Variants in AXIN1 observed in about 807,000 individuals in gnomAD.
AXIN1 encodes axin-1.
Under a neutral mutation model 76.4 loss-of-function variants are expected in AXIN1, and 30 were observed. The ratio of observed to expected loss-of-function variants is 0.39; its 90% CI spans 0.29 to 0.53. The LOEUF (loss-of-function observed/expected upper bound fraction) is 0.53, where lower values mean the gene tolerates loss of function less well. Ranked by LOEUF, AXIN1 falls within the 20% of genes least tolerant of loss-of-function variation. The pLI is 0.66. For synonymous variants in AXIN1, 545 were observed against 501.4 expected (o/e 1.09, Z -1.16); for missense variants, 1,140 against 1,198.8 (o/e 0.95, Z 0.72).
chr16:314,528 C>T lies in AXIN1; in HGVS notation c.1019+15G>A, dbSNP rs557677007. ...TGCTGTCCGTGAGGGACTGGGTATC[C>T]GGGGCGGGACTTACACGCTGCTGTC... On this transcript the variant is annotated intron_variant, in intron 3 of 10. Transcript: ENST00000262320. 1.5e-5 allele frequency: 25 copies of T among 1,613,050 alleles called. No homozygotes were observed. The East Asian group carries it at 2.9e-4, about 19-fold the overall frequency.
chr16:336,761 G>A (rs1310634158), intron 2 of AXIN1, among the ~76,000 whole-genome samples: 1 of 148,362 alleles, frequency 6.7e-6, no homozygotes, highest in Non-Finnish European at 1.5e-5. Flanking sequence ...AGGTTGCAGT[G>A]AGCTGAGGTT....
chr16:319,542 G>A (rs901362527), intron 2 of AXIN1, among the ~76,000 whole-genome samples: 3 of 152,124 alleles, frequency 2.0e-5, no homozygotes, highest in African/African-American at 7.2e-5. Context: ...GCCATGAGGC[G>A]GCCAGTGCAC....
At position 311,242 on chromosome 16, in the gene AXIN1, C is replaced by T. The variant is rs538727229; in HGVS notation, c.1020-1173G>A. Among the ~76,000 whole-genome samples, 343 of 151,138 alleles carry T rather than the reference C, an allele frequency of 2.3e-3. 4 individuals are homozygous for T. Among genetic ancestry groups the T allele is most frequent in the African/African-American group, 7.1e-3 (294 of 41,262 alleles). On this transcript the variant is annotated intron_variant, in intron 3 of 10. Coordinates refer to ENST00000262320, the MANE Select transcript of AXIN1 (RefSeq NM_003502.4). ...AGACGGGGTTTCACTGTGTTAACCA[C>T]GATGGTCTCAATCTCCTGACCCCGT... is the stretch of plus-strand genomic sequence containing the variant.
intron 1 of AXIN1, among the ~76,000 whole-genome samples, chr16:348,555 C>T (rs1239899535): frequency 2.0e-5 from 3 of 152,222 alleles, no homozygotes; most frequent in Non-Finnish European, 4.4e-5. Flanking sequence ...GTCCCAGCTA[C>T]TCAGGAGGCT....
intron 2 of AXIN1, among the ~76,000 whole-genome samples, chr16:344,999 C>T (rs1396298197): frequency 6.6e-6 from 1 of 152,166 alleles, no homozygotes; most frequent in Non-Finnish European, 1.5e-5. Context: ...GAATTCCAGG[C>T]TTTCAAAGTT....
At position 318,929 on chromosome 16, in the gene AXIN1, C is replaced by T. The variant is rs185527080; in HGVS notation, c.879-4246G>A. On this transcript the variant is annotated intron_variant, in intron 2 of 10. Coordinates refer to ENST00000262320, the MANE Select transcript of AXIN1 (RefSeq NM_003502.4). ...GCCTTGGTGAGAGTGGCTCTGACCC[C>T]TGGCTGTGTGTGGAGAGAATGCGGC... Among the ~76,000 whole-genome samples, 12 of 152,026 alleles carry T rather than the reference C, an allele frequency of 7.9e-5. No individual in the cohort carries two copies. In the East Asian group the frequency reaches 2.3e-3, roughly 29 times the overall value.
intron 2 of AXIN1, among the ~76,000 whole-genome samples, chr16:316,861 A>G (rs781292474): frequency 1.3e-5 from 2 of 152,192 alleles, no homozygotes; most frequent in African/African-American, 2.4e-5. Flanking sequence ...GTTCAGTACT[A>G]TCGCATTTCA....
chr16:294,628 G>A (rs764760601), intron 7 of AXIN1, among the ~76,000 whole-genome samples: 1 of 151,170 alleles, frequency 6.6e-6, no homozygotes, highest in Non-Finnish European at 1.5e-5. Flanking sequence ...AATAGTGGGT[G>A]CCTGTAATCC....
chr16:343,468 G>C (rs1215855949), intron 2 of AXIN1, among the ~76,000 whole-genome samples: 6 of 152,140 alleles, frequency 3.9e-5, no homozygotes, highest in Non-Finnish European at 8.8e-5. Context: ...TTGGGAGGCT[G>C]AGGCGGGCAG....
At chr16:336,719 A>C (rs573731800) in intron 2 of AXIN1, among the ~76,000 whole-genome samples, 1 of 149,636 alleles carries the variant, frequency 6.7e-6, no homozygotes, top group East Asian at 2.0e-4. Context: ...CAGGAAGCTG[A>C]GGCAGGAGAA....
rs1432357587 is a variant in AXIN1 at position 352,419 on chromosome 16, CGCGGT to C, written c.-137_-133del. 7 of 829,704 alleles carry C rather than the reference CGCGGT, an allele frequency of 8.4e-6. No individual in the cohort carries two copies. Among genetic ancestry groups the C allele is most frequent in the Non-Finnish European group, 9.2e-6 (7 of 758,530 alleles). 51.4% of individuals were successfully genotyped at this position (829,704 alleles called of 1,614,324 possible). Reference sequence around the variant, plus strand: ...GGGCCCGGCTCCCGGAGCGGCGCGGCGCGGTCCGGGCCCATGCGCTCAGCGGCAGC... The same window carrying C: ...GGGCCCGGCTCCCGGAGCGGCGCGGCCCGGGCCCATGCGCTCAGCGGCAGC... On this transcript the variant is annotated 5_prime_UTR_variant, in exon 1 of 11. It introduces an in-frame stop codon into an upstream open reading frame of the 5' UTR. Transcript: ENST00000262320.
At chr16:288,703 C>A (rs531081311) in intron 10 of AXIN1, among the ~76,000 whole-genome samples, 1 of 152,260 alleles carries the variant, frequency 6.6e-6, no homozygotes, top group Non-Finnish European at 1.5e-5. Context: ...GTCAGGCCCC[C>A]TCTGCTCACC....
chr16:287,776 C>G lies in AXIN1; in HGVS notation c.*346G>C, dbSNP rs942691373. ...CCAGACCTGGGTACGTGGGCAAATC[C>G]CAGAGGGAAAGTAGATCCCAGCACA... is the stretch of plus-strand genomic sequence containing the variant. On this transcript the variant is annotated 3_prime_UTR_variant, in exon 11 of 11. Coordinates refer to ENST00000262320, the MANE Select transcript of AXIN1 (RefSeq NM_003502.4). 11 of 445,350 alleles carry G rather than the reference C, an allele frequency of 2.5e-5. No homozygotes were observed. The highest frequency in any genetic ancestry group is 4.6e-5 in the Non-Finnish European group (11 of 238,604). 27.6% of individuals were successfully genotyped at this position (445,350 alleles called of 1,614,324 possible). A position where few individuals can be genotyped will look rare whatever the true frequency, so the allele number is the denominator to read the frequency against.
At chr16:342,152 A>T (rs2053938243) in intron 2 of AXIN1, among the ~76,000 whole-genome samples, 1 of 151,396 alleles carries the variant, frequency 6.6e-6, no homozygotes, top group Non-Finnish European at 1.5e-5. Context: ...GCTGCTGCTC[A>T]CTCTTTGGGT....
chr16:324,073 A>G (rs1184606559), intron 2 of AXIN1, among the ~76,000 whole-genome samples: 3 of 151,660 alleles, frequency 2.0e-5, no homozygotes, highest in Non-Finnish European at 2.9e-5. Context: ...TGGGGAGCCC[A>G]GTGCAGGAGA....
intron 3 of AXIN1, among the ~76,000 whole-genome samples, chr16:311,600 T>C (rs982262766): frequency 1.3e-5 from 2 of 151,432 alleles, no homozygotes; most frequent in Admixed American, 1.3e-4. Flanking sequence ...TGAAACCCCG[T>C]CTCTACTAAA....
At position 287,600 on chromosome 16, in the gene AXIN1, G is replaced by C; in HGVS notation, c.*522C>G. 9.3e-6 allele frequency: 3 copies of C among 322,974 alleles called. No homozygotes were observed. In the South Asian group the frequency reaches 1.7e-4, roughly 18 times the overall value. The allele number at this position is 322,974 out of a possible 1,614,324, so 20.0% of individuals were successfully genotyped here. On this transcript the variant is annotated 3_prime_UTR_variant, in exon 11 of 11. Coordinates refer to ENST00000262320, the MANE Select transcript of AXIN1 (RefSeq NM_003502.4). ...ACGGGCCCTCAGAAAGGAGGACCCA[G>C]GACTGCACAGCCGGCGGCTGGAGGC...
chr16:292,704 C>T (rs1215569231), intron 8 of AXIN1: 1 of 152,242 alleles, frequency 6.6e-6, no homozygotes, highest in Non-Finnish European at 1.5e-5. Context: ...TCCAATGACC[C>T]AGGATGGCCG....
intron 1 of AXIN1, among the ~76,000 whole-genome samples, chr16:351,399 C>T (rs566413388): frequency 2.0e-4 from 30 of 152,276 alleles, no homozygotes; most frequent in African/African-American, 7.0e-4. Flanking sequence ...CACCTGAGGT[C>T]AGGAGTTCCA....
Sources: gnomAD v4.1 joint callset for allele counts (sites outside exome capture counted in the v4.1 genomes callset) on GRCh38, gnomAD v4.1.1 for gene constraint, MANE v1.5 for transcripts, NCBI Gene and HGNC (gene_info 2026-07-23, HGNC 2026-07-21) for gene names.